LRBA: variants seen among roughly 807,000 people sequenced by gnomAD.
LRBA encodes the protein LPS responsive beige-like anchor protein, also known as lipopolysaccharide-responsive and beige-like anchor protein.
LRBA carries 176 observed loss-of-function variants against 330.0 expected under a neutral mutation model. That is an observed-to-expected ratio of 0.53 (90% confidence interval 0.47 to 0.60). The LOEUF is 0.60. LRBA is among the 20% of genes least tolerant of loss of function. The probability of loss-of-function intolerance (pLI) is 0.00; values close to 1 mark genes in which losing one functional copy is unlikely to be tolerated. For synonymous variants in LRBA, 1,230 were observed against 1,193.0 expected, an observed-to-expected ratio of 1.03 and a Z score of -0.64; for missense variants, 3,259 against 3,444.8, an observed-to-expected ratio of 0.95 and a Z score of 1.35.
intron 46 of LRBA, chr4:150,422,551 T>C: frequency 2.0e-6 from 1 of 492,778 alleles, no homozygotes; most frequent in Non-Finnish European, 3.7e-6. Context: ...CACACTATCC[T>C]CTGCACCCCG....
intron 37 of LRBA, among the ~76,000 whole-genome samples, chr4:150,671,114 C>T (rs1358085831): frequency 6.7e-6 from 1 of 150,360 alleles, no homozygotes; most frequent in African/African-American, 2.5e-5. Flanking sequence ...AAGGTATAGT[C>T]AGAGAACTGT....
intron 36 of LRBA, among the ~76,000 whole-genome samples, chr4:150,692,179 T>C (rs1784199274): frequency 6.6e-6 from 1 of 152,114 alleles, no homozygotes; most frequent in Non-Finnish European, 1.5e-5. Context: ...ATGCAAACTA[T>C]ACTTCAATAA....
At chr4:150,561,903 G>A (rs371938361) in intron 40 of LRBA, among the ~76,000 whole-genome samples, 33 of 152,086 alleles carry the variant, frequency 2.2e-4, no homozygotes, top group African/African-American at 8.0e-4. Context: ...CTACCTCCAA[G>A]CATATATAGA....
chr4:150,717,767 C>T (rs17027031), intron 36 of LRBA, among the ~76,000 whole-genome samples: 1,608 of 149,954 alleles, frequency 0.011, 26 homozygotes, highest in African/African-American at 0.037. Context: ...TCAAAAAAAC[C>T]GAGAGACCAC....
chr4:150,781,122 G>T (rs976777963), intron 34 of LRBA, among the ~76,000 whole-genome samples: 18 of 152,018 alleles, frequency 1.2e-4, no homozygotes, highest in African/African-American at 4.1e-4. Flanking sequence ...CTCATGATCC[G>T]CCTGCCTCGG....
At chr4:150,719,878 A>G (rs1728702707) in intron 36 of LRBA, among the ~76,000 whole-genome samples, 1 of 152,172 alleles carries the variant, frequency 6.6e-6, no homozygotes, top group Non-Finnish European at 1.5e-5. Context: ...TGACTGAGGG[A>G]AATGATTCAA....
intron 44 of LRBA, among the ~76,000 whole-genome samples, chr4:150,442,330 A>T (rs908244196): frequency 6.6e-6 from 1 of 152,220 alleles, no homozygotes; most frequent in African/African-American, 2.4e-5. Context: ...ACTAATAAAT[A>T]GGGTGCTTGA....
chr4:150,782,384 T>G (rs770786349), intron 34 of LRBA, among the ~76,000 whole-genome samples: 6 of 152,234 alleles, frequency 3.9e-5, no homozygotes, highest in Non-Finnish European at 8.8e-5. Flanking sequence ...CTCATAATTC[T>G]AAAGGCCAGA....
intron 30 of LRBA, among the ~76,000 whole-genome samples, chr4:150,826,468 C>T (rs562239073): frequency 6.6e-6 from 1 of 152,222 alleles, no homozygotes; most frequent in African/African-American, 2.4e-5. Flanking sequence ...TAATATAAAG[C>T]TGCTAACCCC....
At chr4:150,374,684 G>A (rs1316404611) in intron 47 of LRBA, among the ~76,000 whole-genome samples, 3 of 152,176 alleles carry the variant, frequency 2.0e-5, no homozygotes, top group African/African-American at 7.2e-5. Flanking sequence ...AATTAGGGAT[G>A]CTCAACCGTA....
intron 50 of LRBA, among the ~76,000 whole-genome samples, chr4:150,320,767 A>G (rs753822596): frequency 1.3e-5 from 2 of 152,176 alleles, no homozygotes; most frequent in Non-Finnish European, 2.9e-5. Context: ...TGATCACACC[A>G]CTGCACTCCA....
At chr4:150,875,614 T>A (rs541979965) in intron 17 of LRBA, among the ~76,000 whole-genome samples, 1 of 152,178 alleles carries the variant, frequency 6.6e-6, no homozygotes, top group East Asian at 1.9e-4. Flanking sequence ...CGGAAGTGTA[T>A]AAAGCTACAG....
At chr4:150,344,238 G>T (rs1377583269) in intron 48 of LRBA, among the ~76,000 whole-genome samples, 1 of 152,072 alleles carries the variant, frequency 6.6e-6, no homozygotes, top group Non-Finnish European at 1.5e-5. Context: ...TTAAATTGTG[G>T]TGATGCTTGT....
Position 151,011,253 on chromosome 4 carries a change from T to C in LRBA, c.216+3174A>G, listed in dbSNP as rs1744810030. ...CTACCATGTACTATTTGGACACCTC[T>C]GGAGGAGAGGAACTTGTTCAATTTT... is the stretch of plus-strand genomic sequence containing the variant. On this transcript the variant is annotated intron_variant, in intron 2 of 56. Coordinates refer to ENST00000651943, the MANE Select transcript of LRBA (RefSeq NM_001364905.1). Among the ~76,000 whole-genome samples, 7 of 151,938 alleles carry C rather than the reference T, an allele frequency of 4.6e-5. No individual in the cohort carries two copies. The South Asian group carries it at 1.5e-3, about 32-fold the overall frequency.
At chr4:150,273,372 C>T (rs1332338724) in intron 56 of LRBA, among the ~76,000 whole-genome samples, 1 of 152,152 alleles carries the variant, frequency 6.6e-6, no homozygotes, top group African/African-American at 2.4e-5. Flanking sequence ...AAATTGTAAA[C>T]ACCATCGACG....
chr4:150,736,152 A>C (rs1731151998), intron 35 of LRBA, among the ~76,000 whole-genome samples: 1 of 152,218 alleles, frequency 6.6e-6, no homozygotes, highest in Admixed American at 6.6e-5. Flanking sequence ...GCCTTGAGTC[A>C]GCTCAGACCC....
chr4:150,655,125 T>C (rs1780062331), intron 37 of LRBA, among the ~76,000 whole-genome samples: 1 of 152,228 alleles, frequency 6.6e-6, no homozygotes, highest in South Asian at 2.1e-4. Context: ...CCACACTGAC[T>C]TCCACAATGG....
intron 2 of LRBA, among the ~76,000 whole-genome samples, chr4:150,972,189 T>C (rs572348618): frequency 2.0e-5 from 3 of 152,266 alleles, no homozygotes; most frequent in Admixed American, 1.3e-4. Flanking sequence ...CATAAAACTT[T>C]CTTTTAAAAT....
intron 41 of LRBA, among the ~76,000 whole-genome samples, chr4:150,488,503 G>A (rs891815655): frequency 4.0e-5 from 6 of 151,446 alleles, no homozygotes; most frequent in African/African-American, 1.5e-4. Context: ...TCACATACAT[G>A]AGAATACCAA....
Sources: allele counts gnomAD v4.1 joint callset (sites outside exome capture counted in the v4.1 genomes callset), GRCh38; gene constraint gnomAD v4.1.1; transcripts MANE v1.5; gene names NCBI Gene and HGNC (gene_info 2026-07-23, HGNC 2026-07-21).